The following CSMD1 variants were observed in gnomAD, a reference collection of about 807,000 sequenced individuals.
CSMD1 encodes the protein CUB and sushi domain-containing protein 1.
Under a neutral mutation model 417.5 loss-of-function variants are expected in CSMD1, and 213 were observed. The ratio of observed to expected loss-of-function variants is 0.51; its 90% CI spans 0.46 to 0.57. The LOEUF (loss-of-function observed/expected upper bound fraction) is 0.57, where lower values mean the gene tolerates loss of function less well. Ranked by LOEUF, CSMD1 falls within the 20% of genes least tolerant of loss-of-function variation. The pLI is 0.00. For missense variants in CSMD1, 6,923 were observed against 4,529.7 expected (o/e 1.53, Z -15.17); for synonymous variants, 2,862 against 1,736.8 (o/e 1.65, Z -16.11).
At chr8:3,269,486 T>G (rs1432045433) in intron 26 of CSMD1, among the ~76,000 whole-genome samples, 1 of 152,224 alleles carries the variant, frequency 6.6e-6, no homozygotes, top group Non-Finnish European at 1.5e-5. Flanking sequence ...ACAAATGATG[T>G]TTTAAAATGA....
intron 3 of CSMD1, among the ~76,000 whole-genome samples, chr8:4,073,282 A>G (rs906848040): frequency 1.3e-5 from 2 of 152,198 alleles, no homozygotes; most frequent in Non-Finnish European, 2.9e-5. Context: ...TTAGAGTTGA[A>G]AGAAGAGAGT....
chr8:4,185,348 G>A (rs188081662), intron 3 of CSMD1, among the ~76,000 whole-genome samples: 1 of 151,918 alleles, frequency 6.6e-6, no homozygotes, highest in Non-Finnish European at 1.5e-5. Context: ...TTTGTCACAG[G>A]TTTACTATGA....
intron 2 of CSMD1, among the ~76,000 whole-genome samples, chr8:4,493,657 T>C (rs911795644): frequency 2.0e-5 from 3 of 152,160 alleles, no homozygotes; most frequent in Non-Finnish European, 4.4e-5. Context: ...AGCGTGCCAA[T>C]GTACTCCAGA....
intron 3 of CSMD1, among the ~76,000 whole-genome samples, chr8:4,285,674 T>C (rs1382567757): frequency 6.6e-6 from 1 of 152,138 alleles, no homozygotes; most frequent in Non-Finnish European, 1.5e-5. Flanking sequence ...ATGGCAGTGG[T>C]GTAGGAAGAA....
At chr8:3,215,653 A>G (rs752920954) in intron 29 of CSMD1, among the ~76,000 whole-genome samples, 37 of 152,338 alleles carry the variant, frequency 2.4e-4, no homozygotes, top group Admixed American at 1.4e-3. Context: ...GTTGTTCTGC[A>G]GTCAATTTCA....
intron 3 of CSMD1, among the ~76,000 whole-genome samples, chr8:4,165,813 C>G (rs1443270507): frequency 6.6e-6 from 1 of 152,356 alleles, no homozygotes; most frequent in East Asian, 1.9e-4. Context: ...TTATGTCACT[C>G]TTACTAGGTT....
intron 11 of CSMD1, among the ~76,000 whole-genome samples, chr8:3,482,397 T>A (rs529515286): frequency 4.6e-5 from 7 of 152,162 alleles, no homozygotes; most frequent in African/African-American, 1.7e-4. Flanking sequence ...AAAGTAGACT[T>A]AAGGCAAATA....
Position 3,415,357 on chromosome 8 carries a change from ATG to A in CSMD1, c.1562-5754_1562-5753del, listed in dbSNP as rs200953671. Among the ~76,000 whole-genome samples the A allele has an allele frequency of 5.6e-3, 860 of 152,216 alleles. 7 individuals are homozygous for A. Among genetic ancestry groups the A allele is most frequent in the African/African-American group, 0.019 (797 of 41,524 alleles). ...TAAGAGATCCCTTGAACTTATTTAC[ATG>A]TTGCATTTATTTATTTGAAATGGAG... On this transcript the variant is annotated intron_variant, in intron 12 of 69. Coordinates refer to ENST00000635120, the MANE Select transcript of CSMD1 (RefSeq NM_033225.6).
intron 3 of CSMD1, among the ~76,000 whole-genome samples, chr8:4,253,884 C>G (rs1377531103): frequency 2.0e-5 from 3 of 147,398 alleles, no homozygotes; most frequent in Non-Finnish European, 4.5e-5. Flanking sequence ...CAAAGAGACA[C>G]TACGTTCGTT....
At chr8:3,387,281 T>C (rs181144102) in intron 18 of CSMD1, among the ~76,000 whole-genome samples, 2 of 152,212 alleles carry the variant, frequency 1.3e-5, no homozygotes, top group African/African-American at 2.4e-5. Context: ...GGGGATAAAG[T>C]TGAAGGACAG....
At chr8:4,488,803 A>G (rs1801550206) in intron 2 of CSMD1, among the ~76,000 whole-genome samples, 1 of 152,202 alleles carries the variant, frequency 6.6e-6, no homozygotes, top group South Asian at 2.1e-4. Context: ...CTCTATGTCC[A>G]TATTTCCTCT....
At chr8:4,731,837 A>G (rs1809893994) in intron 1 of CSMD1, among the ~76,000 whole-genome samples, 1 of 152,116 alleles carries the variant, frequency 6.6e-6, no homozygotes, top group Admixed American at 6.6e-5. Flanking sequence ...CTTATTGTGT[A>G]TATTGTCTTC....
At chr8:3,339,756 C>G (rs1253866275) in intron 23 of CSMD1, among the ~76,000 whole-genome samples, 1 of 152,278 alleles carries the variant, frequency 6.6e-6, no homozygotes, top group East Asian at 1.9e-4. Flanking sequence ...TCTTATGTCA[C>G]AGATCACACA....
chr8:4,599,166 G>C (rs537591933), intron 2 of CSMD1, among the ~76,000 whole-genome samples: 1 of 152,234 alleles, frequency 6.6e-6, no homozygotes, highest in East Asian at 1.9e-4. Context: ...TATCTGTAGG[G>C]AGAACTTAAA....
chr8:3,834,970 C>T lies in CSMD1; in HGVS notation c.819-80928G>A, dbSNP rs111548772. On this transcript the variant is annotated intron_variant, in intron 5 of 69. Transcript: ENST00000635120. ...CAGTCAAAAAACACATGAAAAAATG[C>T]TCATCATCACTGGCCATCAGAGAAA... is the stretch of plus-strand genomic sequence containing the variant. 1.1e-3 allele frequency among the ~76,000 whole-genome samples: 173 copies of T among 152,194 alleles called. 1 individual carries two copies. Among genetic ancestry groups the T allele is most frequent in the African/African-American group, 4.0e-3 (166 of 41,502 alleles).
At chr8:3,916,737 G>A (rs1210079749) in intron 5 of CSMD1, among the ~76,000 whole-genome samples, 1 of 152,086 alleles carries the variant, frequency 6.6e-6, no homozygotes, top group African/African-American at 2.4e-5. Context: ...GATAATCATT[G>A]AGAATGTGTC....
chr8:3,243,573 A>C (rs1799685312), intron 26 of CSMD1, among the ~76,000 whole-genome samples: 1 of 152,060 alleles, frequency 6.6e-6, no homozygotes, highest in African/African-American at 2.4e-5. Flanking sequence ...AGATAATGTC[A>C]TCAGTTAAGG....
In CSMD1 at chr8:4,984,387, T is replaced by C. The variant is rs139450405; in HGVS notation, c.85+9945A>G. ...AGGGACTAGTCCCATGACAGTAGTGTACGCTTCCGATCCGACCTTCAGCTT... is the reference window on the plus strand; with the variant it reads ...AGGGACTAGTCCCATGACAGTAGTGCACGCTTCCGATCCGACCTTCAGCTT... On this transcript the variant is annotated intron_variant, in intron 1 of 69. Coordinates refer to ENST00000635120, the MANE Select transcript of CSMD1 (RefSeq NM_033225.6). Among the ~76,000 whole-genome samples, 64 of 152,336 alleles carry C rather than the reference T, an allele frequency of 4.2e-4. No homozygotes were observed. In the East Asian group the frequency reaches 0.011, roughly 27 times the overall value.
At chr8:3,735,780 A>G (rs1197652642) in intron 6 of CSMD1, among the ~76,000 whole-genome samples, 2 of 152,184 alleles carry the variant, frequency 1.3e-5, no homozygotes, top group African/African-American at 2.4e-5. Flanking sequence ...GATACCACAC[A>G]TGCTCCTTGC....
Sources: allele counts gnomAD v4.1 joint callset (sites outside exome capture counted in the v4.1 genomes callset), GRCh38; gene constraint gnomAD v4.1.1; transcripts MANE v1.5; gene names NCBI Gene and HGNC (gene_info 2026-07-23, HGNC 2026-07-21).